CDH18: variants seen among roughly 807,000 people sequenced by gnomAD.
CDH18 encodes cadherin 18.
A neutral mutation model predicts 67.9 loss-of-function variants in CDH18; 31 were observed. That is an observed-to-expected ratio of 0.46 (90% CI 0.34 to 0.62). The LOEUF is 0.62. CDH18 is among the 20% of genes least tolerant of loss of function. The probability of loss-of-function intolerance (pLI) is 0.01; values close to 1 mark genes in which losing one functional copy is unlikely to be tolerated. For missense variants in CDH18, 890 were observed against 975.5 expected (o/e 0.91, Z 1.17); for synonymous variants, 362 against 347.2 (o/e 1.04, Z -0.48).
chr5:20,573,865 TATATATATGTATTTATATATATAAAAG>T lies in CDH18; in HGVS notation c.-580+1570_-580+1596del, dbSNP rs1561144489. On this transcript the variant is annotated intron_variant, in intron 1 of 14. Coordinates refer to the CDH18 transcript ENST00000507958. Reference sequence around the variant, plus strand: ...TATATGTATTTATATATAAAAGAAATATATATATGTATTTATATATATAAAAGAAATATATATATGTATTTATATATA... The same window carrying T: ...TATATGTATTTATATATAAAAGAAATAAATATATATATGTATTTATATATA... 6.6e-3 allele frequency among the ~76,000 whole-genome samples: 131 copies of T among 19,900 alleles called. 2 individuals are homozygous for T. The highest frequency in any genetic ancestry group is 0.029 in the African/African-American group (118 of 4,018). The allele number at this position is 19,900 out of a possible 152,430, so 13.1% of individuals were successfully genotyped here.
At chr5:19,879,998 T>A (rs1372222880) in intron 2 of CDH18, among the ~76,000 whole-genome samples, 1 of 152,080 alleles carries the variant, frequency 6.6e-6, no homozygotes, top group Non-Finnish European at 1.5e-5. Flanking sequence ...CAAATCCTAA[T>A]GTATTTCTAT....
intron 2 of CDH18, among the ~76,000 whole-genome samples, chr5:20,122,710 A>C (rs149638945): frequency 0.021 from 3,242 of 151,402 alleles, 125 homozygotes; most frequent in African/African-American, 0.072. Context: ...ATGAGAATAC[A>C]TATGAAGTAT....
chr5:19,632,134 T>C (rs1443525217), intron 5 of CDH18, among the ~76,000 whole-genome samples: 2 of 152,192 alleles, frequency 1.3e-5, no homozygotes, highest in African/African-American at 4.8e-5. Flanking sequence ...CCCAGTATAA[T>C]TATCATCTGC....
intron 1 of CDH18, among the ~76,000 whole-genome samples, chr5:20,315,327 A>G (rs370865504): frequency 6.6e-6 from 1 of 152,076 alleles, no homozygotes; most frequent in African/African-American, 2.4e-5. Context: ...ATCATTTGCA[A>G]TAGCCTCCTA....
chr5:20,410,638 G>A (rs1365528696), intron 1 of CDH18, among the ~76,000 whole-genome samples: 1 of 151,238 alleles, frequency 6.6e-6, no homozygotes, highest in East Asian at 1.9e-4. Flanking sequence ...ACATAATCCT[G>A]TGAATCTCAG....
At position 19,861,926 on chromosome 5, in the gene CDH18, G is replaced by C. The variant is rs191981342; in HGVS notation, c.-256-22684C>G. 2.8e-3 allele frequency among the ~76,000 whole-genome samples: 426 copies of C among 152,218 alleles called. 5 individuals carry two copies. The highest frequency in any genetic ancestry group is 9.8e-3 in the African/African-American group (406 of 41,554). On this transcript the variant is annotated intron_variant, in intron 2 of 12. Transcript: ENST00000382275. ...AGTAGAAATCCCATTTAGAACTAAG[G>C]GTTCAGAAACAGTTCTGGCTGGAAT...
chr5:19,944,077 T>C (rs889461207), intron 2 of CDH18, among the ~76,000 whole-genome samples: 3 of 152,236 alleles, frequency 2.0e-5, no homozygotes, highest in Admixed American at 2.0e-4. Flanking sequence ...GAGGTCAGGA[T>C]GAATGTACCT....
intron 1 of CDH18, among the ~76,000 whole-genome samples, chr5:20,381,552 T>C (rs990301783): frequency 8.5e-5 from 13 of 152,174 alleles, no homozygotes; most frequent in East Asian, 7.7e-4. Flanking sequence ...ATTGTCTTCC[T>C]ACCCCCTAAA....
chr5:20,068,221 C>G (rs1266088590), intron 2 of CDH18, among the ~76,000 whole-genome samples: 1 of 152,058 alleles, frequency 6.6e-6, no homozygotes, highest in African/African-American at 2.4e-5. Flanking sequence ...TTACAGAAAA[C>G]TTTGTATAAA....
intron 1 of CDH18, among the ~76,000 whole-genome samples, chr5:20,418,453 C>T (rs1396290543): frequency 6.6e-6 from 1 of 151,454 alleles, no homozygotes; most frequent in Admixed American, 6.6e-5. Context: ...AGGGGAGAGT[C>T]GGTTAAACAC....
intron 8 of CDH18, among the ~76,000 whole-genome samples, chr5:19,551,063 G>T (rs1268562095): frequency 6.6e-6 from 1 of 152,164 alleles, no homozygotes; most frequent in African/African-American, 2.4e-5. Context: ...ACTTTGTAGA[G>T]AAAGATAATC....
At chr5:19,761,459 TAAAG>T (rs1772332384) in intron 3 of CDH18, among the ~76,000 whole-genome samples, 1 of 152,134 alleles carries the variant, frequency 6.6e-6, no homozygotes, top group Admixed American at 6.6e-5. Flanking sequence ...CATAACTCTC[TAAAG>T]AGTTTCTGCA....
At chr5:19,896,126 G>C (rs1478310835) in intron 2 of CDH18, among the ~76,000 whole-genome samples, 1 of 152,116 alleles carries the variant, frequency 6.6e-6, no homozygotes, top group African/African-American at 2.4e-5. Context: ...GGAGGCCAAT[G>C]CGGGCAGATC....
At chr5:20,255,431 G>A (rs966462379) in intron 2 of CDH18, 1 of 151,982 alleles carries the variant, frequency 6.6e-6, no homozygotes. Context: ...ATAAGAGAAA[G>A]TATAAGTTTT....
At chr5:19,940,698 G>A (rs890196504) in intron 2 of CDH18, among the ~76,000 whole-genome samples, 1 of 151,756 alleles carries the variant, frequency 6.6e-6, no homozygotes, top group Admixed American at 6.6e-5. Flanking sequence ...TCCTGTCAAT[G>A]TCATCTCCTC....
intron 1 of CDH18, among the ~76,000 whole-genome samples, chr5:20,396,173 T>C (rs1329748344): frequency 6.6e-6 from 1 of 152,156 alleles, no homozygotes; most frequent in Non-Finnish European, 1.5e-5. Flanking sequence ...TTGGCATCTA[T>C]AGTGGGAGAC....
At chr5:19,726,600 C>A (rs1766879895) in intron 4 of CDH18, among the ~76,000 whole-genome samples, 2 of 152,106 alleles carry the variant, frequency 1.3e-5, no homozygotes, top group African/African-American at 4.8e-5. Flanking sequence ...CCCTACTGTT[C>A]AAGGATCTTT....
chr5:19,828,750 G>A (rs1780696554), intron 3 of CDH18, among the ~76,000 whole-genome samples: 1 of 152,122 alleles, frequency 6.6e-6, no homozygotes, highest in Non-Finnish European at 1.5e-5. Flanking sequence ...AAAATAACAG[G>A]AGCCGGCTGG....
chr5:19,786,513 C>T (rs906481806), intron 3 of CDH18, among the ~76,000 whole-genome samples: 1 of 151,992 alleles, frequency 6.6e-6, no homozygotes, highest in Non-Finnish European at 1.5e-5. Flanking sequence ...TAAATCAGCT[C>T]TACAAGATAT....
Sources: gnomAD v4.1 joint callset for allele counts (sites outside exome capture counted in the v4.1 genomes callset) on GRCh38, gnomAD v4.1.1 for gene constraint, MANE v1.5 for transcripts, NCBI Gene and HGNC (gene_info 2026-07-23, HGNC 2026-07-21) for gene names.